The following KLHL1 variants were observed in gnomAD, a reference collection of about 807,000 sequenced individuals.
KLHL1 encodes the protein kelch-like protein 1.
In KLHL1, 47 loss-of-function variants were observed where a neutral mutation model predicts 77.7. The ratio of observed to expected loss-of-function variants is 0.60; its 90% CI spans 0.48 to 0.77. The LOEUF (loss-of-function observed/expected upper bound fraction) is 0.77, where lower values mean the gene tolerates loss of function less well. Among genes scored for constraint, KLHL1 ranks in the 30% least tolerant of loss-of-function variants. The pLI, the probability that KLHL1 is intolerant of heterozygous loss-of-function variation, is 0.00. For synonymous variants in KLHL1, 360 were observed against 325.2 expected, an observed-to-expected ratio of 1.11 and a Z score of -1.15; for missense variants, 925 against 910.8, an observed-to-expected ratio of 1.02 and a Z score of -0.20.
intron 6 of KLHL1, among the ~76,000 whole-genome samples, chr13:69,826,368 T>G (rs1020966847): frequency 6.6e-6 from 1 of 152,180 alleles, no homozygotes; most frequent in Non-Finnish European, 1.5e-5. Context: ...GCAGATCACT[T>G]GATGTCAGGA....
At chr13:69,849,077 G>A (rs1258078274) in intron 5 of KLHL1, among the ~76,000 whole-genome samples, 1 of 151,446 alleles carries the variant, frequency 6.6e-6, no homozygotes, top group Non-Finnish European at 1.5e-5. Flanking sequence ...TTTGGGCTCA[G>A]CACTTTTCAT....
chr13:69,875,248 TAAA>T lies in KLHL1; in HGVS notation c.1227+7032_1227+7034del, dbSNP rs572671584. Among the ~76,000 whole-genome samples the T allele has an allele frequency of 3.6e-3, 555 of 152,116 alleles. 1 individual carries two copies. Among genetic ancestry groups the T allele is most frequent in the African/African-American group, 0.013 (535 of 41,522 alleles). Reference sequence around the variant, plus strand: ...TAAGTAAAAGTACATTTAATAATTATAAAAAATAACTACATATTATGTTGGAAA... The same window carrying T: ...TAAGTAAAAGTACATTTAATAATTATAAATAACTACATATTATGTTGGAAA... On this transcript the variant is annotated intron_variant, in intron 5 of 10. Transcript: ENST00000377844.
chr13:69,758,509 T>C (rs1328699749), intron 7 of KLHL1, among the ~76,000 whole-genome samples: 1 of 152,098 alleles, frequency 6.6e-6, no homozygotes, highest in East Asian at 1.9e-4. Flanking sequence ...AAATCACATC[T>C]TCATGCCTTT....
At chr13:70,022,812 AT>A (rs200684299) in intron 1 of KLHL1, among the ~76,000 whole-genome samples, 1 of 2,576 alleles carries the variant, frequency 3.9e-4, no homozygotes, top group East Asian at 0.024. Flanking sequence ...CCTTTTTTTA[AT>A]GCCTTAATCT....
chr13:69,889,425 G>C (rs1425003718), intron 4 of KLHL1, among the ~76,000 whole-genome samples: 1 of 151,982 alleles, frequency 6.6e-6, no homozygotes, highest in Non-Finnish European at 1.5e-5. Context: ...ATAAGGCTAG[G>C]ATTAGAAACT....
At chr13:69,904,921 C>A (rs1881997780) in intron 4 of KLHL1, among the ~76,000 whole-genome samples, 1 of 152,066 alleles carries the variant, frequency 6.6e-6, no homozygotes, top group South Asian at 2.1e-4. Context: ...ACTGCATTTT[C>A]TACAATAATA....
At chr13:69,809,873 T>C (rs1462721689) in intron 6 of KLHL1, among the ~76,000 whole-genome samples, 1 of 145,982 alleles carries the variant, frequency 6.9e-6, no homozygotes, top group African/African-American at 2.5e-5. Flanking sequence ...ACTATGCAAA[T>C]GGAAAAAAAA....
intron 1 of KLHL1, among the ~76,000 whole-genome samples, chr13:70,010,150 ACT>A (rs1336971266): frequency 3.9e-5 from 6 of 152,202 alleles, no homozygotes; most frequent in Non-Finnish European, 8.8e-5. Flanking sequence ...ATGGCAGGAA[ACT>A]TTTTTCTGTA....
chr13:70,059,071 C>T (rs9542168), intron 1 of KLHL1, among the ~76,000 whole-genome samples: 101,432 of 151,898 alleles, frequency 0.67, 34,280 homozygotes, highest in East Asian at 0.8. Flanking sequence ...AAAAATGGAT[C>T]AAATACTAAA....
At chr13:69,708,326 A>G (rs1875721973) in intron 9 of KLHL1, among the ~76,000 whole-genome samples, 1 of 151,954 alleles carries the variant, frequency 6.6e-6, no homozygotes, top group Admixed American at 6.6e-5. Flanking sequence ...GTTTTAATGC[A>G]TGGTCCGCTT....
rs1880600475 is a variant in KLHL1, at chr13:69,871,905, G to A, written c.1227+10378C>T. ...AAGTTCCAAAAATTTCCCTCATCTT[G>A]CTTTATTTTTTAAGCCCTCCAAACT... On this transcript the variant is annotated intron_variant, in intron 5 of 10. Transcript: ENST00000377844. 2.6e-5 allele frequency among the ~76,000 whole-genome samples: 4 copies of A among 151,826 alleles called. No homozygotes were observed. The South Asian group carries it at 8.3e-4, about 31-fold the overall frequency.
At chr13:69,834,603 C>T (rs951731713) in intron 6 of KLHL1, among the ~76,000 whole-genome samples, 3 of 152,026 alleles carry the variant, frequency 2.0e-5, no homozygotes, top group South Asian at 2.1e-4. Flanking sequence ...CCATTTAGAT[C>T]AGTTAAATTA....
chr13:69,781,285 CTTTTT>C (rs869083780), intron 7 of KLHL1, among the ~76,000 whole-genome samples: 8,687 of 119,720 alleles, frequency 0.073, 180 homozygotes, highest in Non-Finnish European at 0.096. Context: ...TTTTTTCTTT[CTTTTT>C]TTTTTTTTTT....
chr13:69,996,111 T>C (rs1050773859), intron 1 of KLHL1, among the ~76,000 whole-genome samples: 1 of 152,078 alleles, frequency 6.6e-6, no homozygotes, highest in Non-Finnish European at 1.5e-5. Context: ...GAGACCATCC[T>C]GGCCAACATG....
chr13:69,776,517 A>G (rs1380055345), intron 7 of KLHL1, among the ~76,000 whole-genome samples: 2 of 152,172 alleles, frequency 1.3e-5, no homozygotes, highest in African/African-American at 4.8e-5. Flanking sequence ...TTTAATATCT[A>G]TCATTCTAAA....
intron 7 of KLHL1, among the ~76,000 whole-genome samples, chr13:69,788,511 T>G (rs1373632834): frequency 6.6e-6 from 1 of 151,482 alleles, no homozygotes; most frequent in African/African-American, 2.4e-5. Flanking sequence ...GGGACTGTTG[T>G]GGGGTCAGGG....
chr13:69,793,105 C>T (rs1341112594), intron 7 of KLHL1, among the ~76,000 whole-genome samples: 2 of 151,902 alleles, frequency 1.3e-5, no homozygotes, highest in East Asian at 3.9e-4. Flanking sequence ...TAAGATGTTG[C>T]ATAGCACATA....
intron 7 of KLHL1, among the ~76,000 whole-genome samples, chr13:69,780,747 T>TAC (rs1296596369): frequency 1.0e-5 from 1 of 95,672 alleles, no homozygotes; most frequent in Non-Finnish European, 2.1e-5. Flanking sequence ...TATATATACA[T>TAC]ATATATATAT....
chr13:69,741,790 A>G (rs9564595), intron 7 of KLHL1, among the ~76,000 whole-genome samples: 38,352 of 152,070 alleles, frequency 0.25, 5,090 homozygotes, highest in African/African-American at 0.33. Flanking sequence ...ACCCAGGACT[A>G]TCTTTCTCAA....
Sources: allele counts gnomAD v4.1 joint callset (sites outside exome capture counted in the v4.1 genomes callset), GRCh38; gene constraint gnomAD v4.1.1; transcripts MANE v1.5; gene names NCBI Gene and HGNC (gene_info 2026-07-23, HGNC 2026-07-21).